The following CC2D2A variants were observed in gnomAD, a reference collection of about 807,000 sequenced individuals.
CC2D2A encodes the protein coiled-coil and C2 domain containing 2A, also known as coiled-coil and C2 domain-containing protein 2A.
Under a neutral mutation model 212.9 loss-of-function variants are expected in CC2D2A, and 155 were observed. That is an observed-to-expected ratio of 0.73 (90% CI 0.64 to 0.83). The LOEUF is 0.83. CC2D2A is among the 40% of genes least tolerant of loss of function. The probability of loss-of-function intolerance (pLI) is 0.00; values close to 1 mark genes in which losing one functional copy is unlikely to be tolerated. For synonymous variants in CC2D2A, 667 were observed against 686.5 expected, an observed-to-expected ratio of 0.97 and a Z score of 0.44; for missense variants, 1,856 against 1,956.2, an observed-to-expected ratio of 0.95 and a Z score of 0.97.
At chr4:15,580,659 A>T (rs1341368295) in intron 30 of CC2D2A, among the ~76,000 whole-genome samples, 1 of 144,692 alleles carries the variant, frequency 6.9e-6, no homozygotes, top group Non-Finnish European at 1.5e-5. Flanking sequence ...AAAAAAAAAA[A>T]GTCTAAAGGT....
intron 4 of CC2D2A, among the ~76,000 whole-genome samples, chr4:15,494,396 G>C (rs16892052): frequency 0.06 from 9,196 of 152,170 alleles, 783 homozygotes; most frequent in African/African-American, 0.19. Flanking sequence ...GTGAGCCTGG[G>C]AGAACTAGAA....
intron 11 of CC2D2A, among the ~76,000 whole-genome samples, 161 bp downstream of exon 11, chr4:15,516,917 A>T (rs1325359383): frequency 6.6e-6 from 1 of 151,480 alleles, no homozygotes; most frequent in Non-Finnish European, 1.5e-5. Context: ...TGTAAGAGTA[A>T]GTCTAATTAT....
chr4:15,518,391 G>A (rs1283059262), intron 11 of CC2D2A, among the ~76,000 whole-genome samples: 1 of 152,208 alleles, frequency 6.6e-6, no homozygotes, highest in Non-Finnish European at 1.5e-5. Flanking sequence ...GGCTTTGCAG[G>A]GTACAGCCTC....
chr4:15,551,333 C>A (rs1332466168), intron 18 of CC2D2A, among the ~76,000 whole-genome samples: 2 of 152,102 alleles, frequency 1.3e-5, no homozygotes, highest in Non-Finnish European at 2.9e-5. Flanking sequence ...TGTTCATAAG[C>A]CCAAAAAGTT....
Position 15,559,093 on chromosome 4 carries a change from G to T in CC2D2A, c.2830-72G>T, listed in dbSNP as rs140736087. ...ACAAGTTATAACTTAAATCATATGT[G>T]ATAAATAATTACCTGATCTTAAGAA... On this transcript the variant is annotated intron_variant, in intron 21 of 36. Coordinates refer to ENST00000424120, the MANE Select transcript of CC2D2A (RefSeq NM_001378615.1). 214 of 877,758 alleles carry T rather than the reference G, an allele frequency of 2.4e-4. 1 individual carries two copies. In the African/African-American group the frequency reaches 3.3e-3, roughly 13 times the overall value. 54.4% of individuals were successfully genotyped at this position (877,758 alleles called of 1,614,324 possible). A position where few individuals can be genotyped will look rare whatever the true frequency, so the allele number is the denominator to read the frequency against.
At chr4:15,574,056 T>C (rs1416602762) in intron 28 of CC2D2A, 94 bp from the exon 29 acceptor site, 2 of 1,115,080 alleles carry the variant, frequency 1.8e-6, no homozygotes, top group Non-Finnish European at 2.5e-6. Flanking sequence ...GCAATTTTGG[T>C]TCAATTTATT....
At chr4:15,507,545 G>C (rs971501231) in intron 6 of CC2D2A, among the ~76,000 whole-genome samples, 1 of 152,188 alleles carries the variant, frequency 6.6e-6, no homozygotes, top group Non-Finnish European at 1.5e-5. Flanking sequence ...CAACTATGTA[G>C]AGGCCAAGGG....
At chr4:15,522,953 A>G (rs1173396971) in intron 11 of CC2D2A, among the ~76,000 whole-genome samples, 1 of 151,762 alleles carries the variant, frequency 6.6e-6, no homozygotes, top group Non-Finnish European at 1.5e-5. Flanking sequence ...ACCCGTCTCT[A>G]CTAAAAATAC....
chr4:15,523,984 G>A (rs1274946471), intron 11 of CC2D2A, among the ~76,000 whole-genome samples: 2 of 152,184 alleles, frequency 1.3e-5, no homozygotes, highest in African/African-American at 2.4e-5. Context: ...AGACGGGAAA[G>A]GAGAAATCTT....
chr4:15,580,411 G>A (rs982317639), intron 30 of CC2D2A, among the ~76,000 whole-genome samples: 1 of 152,196 alleles, frequency 6.6e-6, no homozygotes, highest in Non-Finnish European at 1.5e-5. Flanking sequence ...GCCAAGGCGG[G>A]CAGATGACTT....
intron 24 of CC2D2A, among the ~76,000 whole-genome samples, chr4:15,564,924 G>T (rs1008412871): frequency 6.6e-6 from 1 of 152,078 alleles, no homozygotes; most frequent in African/African-American, 2.4e-5. Flanking sequence ...CGATCCTCCT[G>T]CCTCTGCCTC....
chr4:15,573,246 G>A (rs185329464), intron 28 of CC2D2A, among the ~76,000 whole-genome samples: 1 of 152,284 alleles, frequency 6.6e-6, no homozygotes, highest in East Asian at 1.9e-4. Flanking sequence ...CTATTTTACA[G>A]AATAAACAAG....
intron 1 of CC2D2A, among the ~76,000 whole-genome samples, chr4:15,470,336 C>T (rs1285562919): frequency 6.6e-6 from 1 of 152,140 alleles, no homozygotes; most frequent in Non-Finnish European, 1.5e-5. Flanking sequence ...GACCAAAGCT[C>T]TGTGAAACAT....
intron 28 of CC2D2A, among the ~76,000 whole-genome samples, chr4:15,573,668 C>A (rs1470048887): frequency 1.3e-5 from 2 of 152,160 alleles, no homozygotes; most frequent in Admixed American, 1.3e-4. Context: ...AATTAAAATT[C>A]TGAAAAATGG....
At chr4:15,481,116 C>A in intron 4 of CC2D2A, 1 of 470,380 alleles carries the variant, frequency 2.1e-6, no homozygotes, top group Non-Finnish European at 4.2e-6. Flanking sequence ...TGGGAGGTGT[C>A]TGGGTCATGA....
intron 6 of CC2D2A, among the ~76,000 whole-genome samples, chr4:15,509,568 C>G (rs954887930): frequency 6.6e-6 from 1 of 152,218 alleles, no homozygotes; most frequent in Non-Finnish European, 1.5e-5. Context: ...GCCACTGCAT[C>G]TGGACAACAG....
intron 8 of CC2D2A, 99 bp downstream of exon 8, chr4:15,511,522 A>G (rs1716570681): frequency 8.8e-7 from 1 of 1,132,306 alleles, no homozygotes; most frequent in Non-Finnish European, 1.2e-6. Flanking sequence ...GAAACCTGCC[A>G]CCACCAGGAG....
intron 17 of CC2D2A, among the ~76,000 whole-genome samples, chr4:15,546,717 A>G (rs1337716930): frequency 1.3e-5 from 2 of 152,242 alleles, no homozygotes; most frequent in African/African-American, 4.8e-5. Context: ...GATGACAGCA[A>G]GTCAGACTGC....
intron 17 of CC2D2A, among the ~76,000 whole-genome samples, chr4:15,542,698 G>A (rs1051221584): frequency 1.3e-5 from 2 of 152,006 alleles, no homozygotes; most frequent in Non-Finnish European, 2.9e-5. Context: ...GGCCACATAA[G>A]CCCCACTTCA....
Sources: allele counts gnomAD v4.1 joint callset (sites outside exome capture counted in the v4.1 genomes callset), GRCh38; gene constraint gnomAD v4.1.1; transcripts MANE v1.5; gene names NCBI Gene and HGNC (gene_info 2026-07-23, HGNC 2026-07-21).